The following KCTD5 variants were observed in gnomAD, a reference collection of about 807,000 sequenced individuals.
KCTD5 encodes potassium channel tetramerization domain containing 5, also known as BTB/POZ domain-containing protein KCTD5.
A neutral mutation model predicts 27.9 loss-of-function variants in KCTD5; 12 were observed. The observed-to-expected ratio is 0.43, with a 90% confidence interval of 0.28 to 0.70. The LOEUF (loss-of-function observed/expected upper bound fraction) is 0.70, where lower values mean the gene tolerates loss of function less well. Among genes scored for constraint, KCTD5 ranks in the 30% least tolerant of loss-of-function variants. KCTD5 has a pLI of 0.19. For synonymous variants in KCTD5, 147 were observed against 121.4 expected (o/e 1.21, Z -1.39); for missense variants, 226 against 274.8 (o/e 0.82, Z 1.26).
At chr16:2,699,472 C>A (rs987298396) in intron 3 of KCTD5, among the ~76,000 whole-genome samples, 1 of 152,206 alleles carries the variant, frequency 6.6e-6, no homozygotes, top group Non-Finnish European at 1.5e-5. Flanking sequence ...GAGCCTTTCC[C>A]GACCGATGAA....
At position 2,699,710 on chromosome 16, in the gene KCTD5, T is replaced by G. The variant is rs1486530701; in HGVS notation, c.454-111T>G. 8 of 904,342 alleles carry G rather than the reference T, an allele frequency of 8.8e-6. No individual in the cohort carries two copies. The East Asian group carries it at 2.0e-4, about 22-fold the overall frequency. 56.0% of individuals were successfully genotyped at this position (904,342 alleles called of 1,614,324 possible). A position where few individuals can be genotyped will look rare whatever the true frequency, so the allele number is the denominator to read the frequency against. ...GGATTGCTTTGGGCCTCGTGCCCTG[T>G]GCTGAGAACTGCAGAGTGGACCTCA... On this transcript the variant is annotated intron_variant, in intron 3 of 5. Coordinates refer to ENST00000301738, the MANE Select transcript of KCTD5 (RefSeq NM_018992.4).
chr16:2,698,948 C>T (rs1237661485), intron 3 of KCTD5, among the ~76,000 whole-genome samples: 1 of 152,232 alleles, frequency 6.6e-6, no homozygotes, highest in African/African-American at 2.4e-5. Context: ...CGCAGGTGGG[C>T]AGGAAATGGT....
In KCTD5 at chr16:2,702,458, G is replaced by A. The variant is rs375530628; in HGVS notation, c.655G>A (p.Glu219Lys). 9 of 1,613,058 alleles carry A rather than the reference G, an allele frequency of 5.6e-6. No homozygotes were observed. Among genetic ancestry groups the A allele is most frequent in the African/African-American group, 2.7e-5 (2 of 74,930 alleles). Residue 219 changes from glutamate (E) to lysine (K), a missense_variant, in exon 5 of 6, where the codon GAG becomes AAG. Glu to Lys is a moderately conservative substitution (Grantham distance 56). Transcript: ENST00000301738. ...CAACACCCCGTACGGTACGGCCAGC[G>A]AGCCCAGCGAGAAGGCCAAGGTGAG... ...LHNTPYGTASEPSEKAKILQE... is the reference protein window; with the variant it reads ...LHNTPYGTASKPSEKAKILQE...
intron 1 of KCTD5, chr16:2,683,947 G>A (rs1310997452): frequency 6.8e-6 from 1 of 146,506 alleles, no homozygotes; most frequent in East Asian, 1.9e-4. Context: ...TGGAAATGAG[G>A]GTTTGAGATG....
rs774951443 is a variant in KCTD5 at position 2,682,546 on chromosome 16, A to G, written c.-3A>G. ...GGGAGCTGTTGCGGGGCTTGCTGGG[A>G]TCATGGCGGAGAATCACTGCGAGCT... On this transcript the variant is annotated 5_prime_UTR_variant, in exon 1 of 6. Transcript: ENST00000301738. 8 of 1,405,166 alleles carry G rather than the reference A, an allele frequency of 5.7e-6. No homozygotes were observed. The South Asian group carries it at 9.6e-5, about 17-fold the overall frequency. 87.0% of individuals were successfully genotyped at this position (1,405,166 alleles called of 1,614,324 possible). A position where few individuals can be genotyped will look rare whatever the true frequency, so the allele number is the denominator to read the frequency against.
Position 2,701,912 on chromosome 16 carries a change from C to T in KCTD5, c.550-441C>T, listed in dbSNP as rs2067613624. Among the ~76,000 whole-genome samples the T allele has an allele frequency of 4.6e-5, 7 of 152,260 alleles. 1 individual carries two copies. The South Asian group carries it at 8.3e-4, about 18-fold the overall frequency. On this transcript the variant is annotated intron_variant, in intron 4 of 5. Transcript: ENST00000301738. ...TGTGGCCAGCAGGCTGCAGCAGACCCGCCCTGGCCGAACTCCTGGACAGCA... is the reference window on the plus strand; with the variant it reads ...TGTGGCCAGCAGGCTGCAGCAGACCTGCCCTGGCCGAACTCCTGGACAGCA...
chr16:2,703,992 C>T (rs904977078), intron 5 of KCTD5, among the ~76,000 whole-genome samples: 1 of 152,192 alleles, frequency 6.6e-6, no homozygotes, highest in Non-Finnish European at 1.5e-5. Context: ...TTTTTTATTT[C>T]TGAGCTGAGT....
chr16:2,706,030 C>T (rs896959486), intron 5 of KCTD5, among the ~76,000 whole-genome samples: 7 of 152,174 alleles, frequency 4.6e-5, no homozygotes, highest in Admixed American at 1.3e-4. Flanking sequence ...CTCCAGACAT[C>T]CCAGTAAACT....
At chr16:2,705,325 A>G (rs983998200) in intron 5 of KCTD5, among the ~76,000 whole-genome samples, 2 of 150,968 alleles carry the variant, frequency 1.3e-5, no homozygotes, top group Non-Finnish European at 3.0e-5. Context: ...CCTCAGTAGC[A>G]CTGTCTTGGT....
intron 5 of KCTD5, among the ~76,000 whole-genome samples, 192 bp downstream of exon 5, chr16:2,702,670 G>A (rs1426017705): frequency 2.0e-5 from 3 of 152,192 alleles, no homozygotes; most frequent in South Asian, 4.1e-4. Context: ...AAGCCCCTGC[G>A]GCCTCCCAGC....
chr16:2,707,086 G>A (rs1030457688), intron 5 of KCTD5, among the ~76,000 whole-genome samples: 4 of 152,078 alleles, frequency 2.6e-5, no homozygotes, highest in African/African-American at 7.2e-5. Context: ...CACAGTGAGC[G>A]CTCCCTGTGT....
rs1173835662 is a variant in KCTD5 at position 2,708,334 on chromosome 16, A to G, written c.*1007A>G. 2 of 152,520 alleles carry G rather than the reference A, an allele frequency of 1.3e-5. No homozygotes were observed. Among genetic ancestry groups the G allele is most frequent in the East Asian group, 1.9e-4 (1 of 5,196 alleles). 9.4% of individuals were successfully genotyped at this position (152,520 alleles called of 1,614,324 possible). ...CTCTTTCTGGGATGTTTGGGACTTC[A>G]CTCGACCTGCACGGGCTCTGCCCGA... On this transcript the variant is annotated 3_prime_UTR_variant, in exon 6 of 6. Coordinates refer to ENST00000301738, the MANE Select transcript of KCTD5 (RefSeq NM_018992.4).
chr16:2,705,485 T>G (rs1024605872), intron 5 of KCTD5, among the ~76,000 whole-genome samples: 16 of 152,126 alleles, frequency 1.1e-4, no homozygotes, highest in Admixed American at 1.0e-3. Flanking sequence ...GGAGTGCCAC[T>G]CGTGCCGCCA....
At chr16:2,689,714 G>A (rs12926029) in intron 1 of KCTD5, among the ~76,000 whole-genome samples, 2 of 150,184 alleles carry the variant, frequency 1.3e-5, no homozygotes, top group African/African-American at 2.5e-5. Flanking sequence ...AGGCTCACTG[G>A]ATCGCCCAGG....
chr16:2,705,119 C>T (rs987869899), intron 5 of KCTD5, among the ~76,000 whole-genome samples: 6 of 152,186 alleles, frequency 3.9e-5, no homozygotes, highest in East Asian at 1.9e-4. Context: ...CCCCACTGCG[C>T]GCTGCACGCC....
chr16:2,707,708 G>T lies in KCTD5; in HGVS notation c.*381G>T, dbSNP rs1168620092. ...AAAGCAGCCTGGGCTTCACTGGCAGGAAGCGGCCGCAGCCGCGTCAGTGTC... is the reference window on the plus strand; with the variant it reads ...AAAGCAGCCTGGGCTTCACTGGCAGTAAGCGGCCGCAGCCGCGTCAGTGTC... On this transcript the variant is annotated 3_prime_UTR_variant, in exon 6 of 6. Transcript: ENST00000301738. 1 of 508,776 alleles carries T rather than the reference G, an allele frequency of 2.0e-6. No individual in the cohort carries two copies. Among genetic ancestry groups the T allele is most frequent in the Non-Finnish European group, 3.5e-6 (1 of 286,410 alleles). 31.5% of individuals were successfully genotyped at this position (508,776 alleles called of 1,614,324 possible).
chr16:2,690,110 G>C (rs1331554344), intron 1 of KCTD5, among the ~76,000 whole-genome samples: 9 of 152,270 alleles, frequency 5.9e-5, no homozygotes, highest in African/African-American at 2.2e-4. Flanking sequence ...AGTCTGGTGA[G>C]ATGAGCAGAG....
In KCTD5 at chr16:2,682,889, A is replaced by T. The variant is rs563900172; in HGVS notation, c.252+89A>T. ...CCCTGCTTCGTGCGGAGGAGACTTC[A>T]GCGGGAGCGGGCGACTCTCCTCGGG... On this transcript the variant is annotated intron_variant, in intron 1 of 5. Transcript: ENST00000301738. The T allele has an allele frequency of 3.5e-6, 5 of 1,424,706 alleles. No individual in the cohort carries two copies. In the African/African-American group the frequency reaches 6.0e-5, roughly 17 times the overall value. The allele number at this position is 1,424,706 out of a possible 1,614,324, so 88.3% of individuals were successfully genotyped here.
intron 4 of KCTD5, 27 bp from the exon 5 acceptor site, chr16:2,702,326 T>G: frequency 1.2e-6 from 2 of 1,613,016 alleles, no homozygotes; most frequent in Non-Finnish European, 1.7e-6. Flanking sequence ...TTCACTGGGC[T>G]GCGTCTCAGG....
Sources: allele counts gnomAD v4.1 joint callset (sites outside exome capture counted in the v4.1 genomes callset), GRCh38; gene constraint gnomAD v4.1.1; transcripts MANE v1.5; gene names NCBI Gene and HGNC (gene_info 2026-07-23, HGNC 2026-07-21).